Variants in ROCK2 observed in about 807,000 individuals in gnomAD.
ROCK2 encodes rho-associated protein kinase 2.
A neutral mutation model predicts 195.1 loss-of-function variants in ROCK2; 61 were observed. The observed-to-expected ratio is 0.31, with a 90% confidence interval of 0.25 to 0.39. The LOEUF (loss-of-function observed/expected upper bound fraction) is 0.39, where lower values mean the gene tolerates loss of function less well. Ranked by LOEUF, ROCK2 falls within the 10% of genes least tolerant of loss-of-function variation. The pLI, the probability that ROCK2 is intolerant of heterozygous loss-of-function variation, is 1.00. For missense variants in ROCK2, 1,109 were observed against 1,637.4 expected (o/e 0.68, Z 5.57); for synonymous variants, 504 against 545.5 (o/e 0.92, Z 1.06).
intron 1 of ROCK2, chr2:11,309,061 G>A (rs1194019314): frequency 7.0e-7 from 1 of 1,427,898 alleles, no homozygotes; most frequent in Non-Finnish European, 9.4e-7. Context: ...AGACCAGTAG[G>A]CCGGAGGGAG....
At chr2:11,247,497 T>C (rs899469983) in intron 4 of ROCK2, among the ~76,000 whole-genome samples, 1 of 152,216 alleles carries the variant, frequency 6.6e-6, no homozygotes, top group Non-Finnish European at 1.5e-5. Context: ...TGTACTATGT[T>C]TCACTATTGG....
At chr2:11,332,479 C>T (rs1025479963) in intron 1 of ROCK2, among the ~76,000 whole-genome samples, 3 of 152,264 alleles carry the variant, frequency 2.0e-5, no homozygotes, top group African/African-American at 7.2e-5. Flanking sequence ...ACACTCATGA[C>T]ACATTAGCAA....
At chr2:11,271,488 G>C (rs531237323) in intron 3 of ROCK2, among the ~76,000 whole-genome samples, 3 of 152,222 alleles carry the variant, frequency 2.0e-5, no homozygotes, top group African/African-American at 4.8e-5. Flanking sequence ...CTATTTGTTT[G>C]TCTCTCTAGT....
intron 11 of ROCK2, among the ~76,000 whole-genome samples, chr2:11,217,513 T>C (rs752820612): frequency 3.3e-5 from 5 of 152,212 alleles, no homozygotes; most frequent in East Asian, 1.9e-4. Flanking sequence ...AATTATTTGC[T>C]TGAAAATATT....
In ROCK2 at chr2:11,201,545, AAT is replaced by A. The variant is rs1269582961; in HGVS notation, c.2620-134_2620-133del. On this transcript the variant is annotated intron_variant, in intron 21 of 32. Transcript: ENST00000315872. The surrounding 1 kb of genome is among the most constrained non-coding windows in gnomAD (Gnocchi z 4.6). ...TTACTGCTAAGTCCCCGAGCAAATG[AAT>A]AGTTTAATGAACTTTCCTATTTCTA... The A allele has an allele frequency of 1.6e-5, 10 of 613,140 alleles. No homozygotes were observed. Among genetic ancestry groups the A allele is most frequent in the Non-Finnish European group, 2.9e-5 (10 of 346,468 alleles). 38.0% of individuals were successfully genotyped at this position (613,140 alleles called of 1,614,324 possible).
At chr2:11,297,038 ATTAT>A (rs1667556713) in intron 1 of ROCK2, among the ~76,000 whole-genome samples, 1 of 152,174 alleles carries the variant, frequency 6.6e-6, no homozygotes, top group Non-Finnish European at 1.5e-5. Context: ...TTGGAGCAAC[ATTAT>A]TTATAATAGC....
rs143049952 is a variant in ROCK2 at position 11,205,249 on chromosome 2, A to G, written c.2549+2477T>C. ...GCAAGGTTAATGGTAGAGTATGATC[A>G]GCAGATTAGTTCATTTAGTGTCACA... On this transcript the variant is annotated intron_variant, in intron 20 of 32. Coordinates refer to ENST00000315872, the MANE Select transcript of ROCK2 (RefSeq NM_004850.5). Among the ~76,000 whole-genome samples the G allele has an allele frequency of 8.1e-4, 123 of 152,340 alleles. 1 individual carries two copies. Among genetic ancestry groups the G allele is most frequent in the African/African-American group, 2.7e-3 (113 of 41,582 alleles).
intron 3 of ROCK2, among the ~76,000 whole-genome samples, chr2:11,283,538 G>C (rs1278152095): frequency 2.9e-5 from 4 of 136,884 alleles, no homozygotes; most frequent in Non-Finnish European, 4.7e-5. Flanking sequence ...TCCGCAGTCC[G>C]GCCTGGGCGA....
At chr2:11,254,727 T>TAA (rs10640683) in intron 3 of ROCK2, among the ~76,000 whole-genome samples, 2,514 of 39,108 alleles carry the variant, frequency 0.064, 428 homozygotes, top group African/African-American at 0.13. Context: ...CCCTGTCTCT[T>TAA]AAAAAAAAAA....
intron 4 of ROCK2, among the ~76,000 whole-genome samples, chr2:11,242,196 A>T (rs531314569): frequency 6.6e-6 from 1 of 152,298 alleles, no homozygotes; most frequent in East Asian, 1.9e-4. Context: ...GATAGGACAG[A>T]TTAATAGGGA....
At chr2:11,308,440 T>C (rs1667931973) in intron 1 of ROCK2, 15 of 1,606,642 alleles carry the variant, frequency 9.3e-6, no homozygotes, top group Non-Finnish European at 1.3e-5. Context: ...AGGGTGGTGC[T>C]GGAGCAGGGT....
At chr2:11,217,225 G>A in intron 11 of ROCK2, 56 bp from the exon 12 acceptor site, 1 of 856,134 alleles carries the variant, frequency 1.2e-6, no homozygotes, top group South Asian at 1.4e-5. Flanking sequence ...AAAGATGAGA[G>A]GCTTAAAGAA....
intron 32 of ROCK2, among the ~76,000 whole-genome samples, chr2:11,186,994 G>A (rs1663222805): frequency 6.6e-6 from 1 of 152,122 alleles, no homozygotes; most frequent in Non-Finnish European, 1.5e-5. Flanking sequence ...CATTAACAGG[G>A]ATATAGTTCA....
chr2:11,188,296 G>C (rs997097210), intron 32 of ROCK2, among the ~76,000 whole-genome samples: 1 of 151,884 alleles, frequency 6.6e-6, no homozygotes, highest in South Asian at 2.1e-4. Context: ...TTTTAGTAGA[G>C]ATGGGGTTTC....
At chr2:11,305,956 G>C (rs1212485468) in intron 1 of ROCK2, among the ~76,000 whole-genome samples, 1 of 152,172 alleles carries the variant, frequency 6.6e-6, no homozygotes, top group East Asian at 1.9e-4. Flanking sequence ...GTATGAAAGG[G>C]CTCCCAGTGG....
chr2:11,221,416 ATTTT>A, intron 8 of ROCK2, 59 bp from the exon 9 acceptor site: 2 of 1,235,836 alleles, frequency 1.6e-6, no homozygotes, highest in Non-Finnish European at 1.1e-6. Flanking sequence ...AAACCATCCT[ATTTT>A]ATTATGATGT....
intron 5 of ROCK2, among the ~76,000 whole-genome samples, chr2:11,231,404 C>T (rs1665005059): frequency 6.6e-6 from 1 of 152,126 alleles, no homozygotes; most frequent in South Asian, 2.1e-4. Context: ...GATGGGGTTT[C>T]ACCATACTAG....
chr2:11,273,655 T>C (rs1666725590), intron 3 of ROCK2, among the ~76,000 whole-genome samples: 1 of 152,138 alleles, frequency 6.6e-6, no homozygotes, highest in Non-Finnish European at 1.5e-5. Flanking sequence ...TAGGGATATA[T>C]ACAGAACACA....
chr2:11,277,638 G>A (rs1024699002), intron 3 of ROCK2, among the ~76,000 whole-genome samples: 8 of 152,110 alleles, frequency 5.3e-5, no homozygotes, highest in Non-Finnish European at 1.2e-4. Context: ...ATCTCATCTA[G>A]GTCACTATGA....
Sources: allele counts gnomAD v4.1 joint callset (sites outside exome capture counted in the v4.1 genomes callset), GRCh38; gene constraint gnomAD v4.1.1; non-coding constraint Gnocchi (gnomAD v3.1); transcripts MANE v1.5; gene names NCBI Gene and HGNC (gene_info 2026-07-23, HGNC 2026-07-21).